The following EPHA5 variants were observed in gnomAD, a reference collection of about 807,000 sequenced individuals.
EPHA5 encodes the protein EPH receptor A5.
Under a neutral mutation model 105.0 loss-of-function variants are expected in EPHA5, and 60 were observed. The ratio of observed to expected loss-of-function variants is 0.57; its 90% confidence interval spans 0.46 to 0.71. The LOEUF is 0.71. Ranked by LOEUF, EPHA5 falls within the 30% of genes least tolerant of loss-of-function variation. The probability of loss-of-function intolerance (pLI) is 0.00; values close to 1 mark genes in which losing one functional copy is unlikely to be tolerated. For missense variants in EPHA5, 1,218 were observed against 1,274.7 expected (o/e 0.96, Z 0.68); for synonymous variants, 513 against 449.1 (o/e 1.14, Z -1.80).
chr4:65,449,123 T>C (rs557207986), intron 5 of EPHA5, among the ~76,000 whole-genome samples: 4 of 152,120 alleles, frequency 2.6e-5, no homozygotes, highest in Non-Finnish European at 5.9e-5. Context: ...TAAAAATTAC[T>C]ACCTAGTGAA....
chr4:65,361,000 A>C (rs1717252537), intron 11 of EPHA5, among the ~76,000 whole-genome samples: 1 of 151,670 alleles, frequency 6.6e-6, no homozygotes, highest in Admixed American at 6.6e-5. Flanking sequence ...TGGTATTTAG[A>C]CAATTACTTC....
chr4:65,530,275 T>C (rs1022435505), intron 3 of EPHA5, among the ~76,000 whole-genome samples: 8 of 152,128 alleles, frequency 5.3e-5, no homozygotes, highest in Admixed American at 3.9e-4. Flanking sequence ...TACCAGAGCA[T>C]AGATTTAACG....
chr4:65,588,946 T>C (rs1742376640), intron 3 of EPHA5, among the ~76,000 whole-genome samples: 1 of 152,178 alleles, frequency 6.6e-6, no homozygotes, highest in African/African-American at 2.4e-5. Flanking sequence ...TCTAGGATTA[T>C]CTCTCATTGA....
intron 5 of EPHA5, among the ~76,000 whole-genome samples, chr4:65,479,315 G>A (rs1254328678): frequency 6.6e-6 from 1 of 152,106 alleles, no homozygotes; most frequent in Non-Finnish European, 1.5e-5. Context: ...AAGCTAGTTA[G>A]TAGAAGAGAT....
At chr4:65,477,703 G>A (rs866392216) in intron 5 of EPHA5, among the ~76,000 whole-genome samples, 2 of 152,032 alleles carry the variant, frequency 1.3e-5, no homozygotes, top group Admixed American at 6.6e-5. Context: ...GTGAGCCACC[G>A]TGCCCAGCCC....
intron 3 of EPHA5, among the ~76,000 whole-genome samples, chr4:65,524,499 T>A (rs1735049072): frequency 6.6e-6 from 1 of 151,794 alleles, no homozygotes; most frequent in Non-Finnish European, 1.5e-5. Flanking sequence ...CTCTCCAAAC[T>A]ATAAGTTCCT....
chr4:65,605,811 A>C (rs368249816), intron 2 of EPHA5, among the ~76,000 whole-genome samples: 8 of 152,162 alleles, frequency 5.3e-5, no homozygotes, highest in Admixed American at 4.6e-4. Flanking sequence ...CTAGATATAT[A>C]AGCTGAGATC....
chr4:65,480,430 T>C (rs984311185), intron 5 of EPHA5, among the ~76,000 whole-genome samples: 15 of 152,088 alleles, frequency 9.9e-5, no homozygotes, highest in Admixed American at 2.6e-4. Context: ...GCTTCAGATA[T>C]ACCAAACCAA....
chr4:65,454,203 T>C (rs919912034), intron 5 of EPHA5, among the ~76,000 whole-genome samples: 2 of 151,906 alleles, frequency 1.3e-5, no homozygotes, highest in Admixed American at 1.3e-4. Flanking sequence ...TCGCTTGAAC[T>C]CAGGAGGCGG....
chr4:65,538,453 T>A (rs1336552271), intron 3 of EPHA5, among the ~76,000 whole-genome samples: 1 of 151,816 alleles, frequency 6.6e-6, no homozygotes, highest in African/African-American at 2.4e-5. Flanking sequence ...ACTAATACTT[T>A]TAATTTATTC....
intron 3 of EPHA5, among the ~76,000 whole-genome samples, chr4:65,542,068 T>C (rs1008339087): frequency 2.6e-5 from 4 of 151,334 alleles, no homozygotes; most frequent in African/African-American, 9.7e-5. Flanking sequence ...AATGTGTCTC[T>C]GGGACACAGC....
chr4:65,476,119 A>AGT (rs772117051), intron 5 of EPHA5, among the ~76,000 whole-genome samples: 129 of 126,856 alleles, frequency 1.0e-3, no homozygotes, highest in South Asian at 2.5e-3. Flanking sequence ...AGAGAGAGAG[A>AGT]GAGAGAGAGT....
chr4:65,360,016 C>A (rs1018128548), intron 11 of EPHA5, among the ~76,000 whole-genome samples: 5 of 151,660 alleles, frequency 3.3e-5, no homozygotes, highest in Admixed American at 6.6e-5. Context: ...GTTTCTCGAA[C>A]CTTCCAGGCA....
At chr4:65,502,323 C>T (rs1003828254) in intron 3 of EPHA5, among the ~76,000 whole-genome samples, 1 of 151,038 alleles carries the variant, frequency 6.6e-6, no homozygotes, top group Non-Finnish European at 1.5e-5. Flanking sequence ...AGACAACCTG[C>T]AGAATGAAAA....
At chr4:65,479,273 C>T (rs150376578) in intron 5 of EPHA5, among the ~76,000 whole-genome samples, 2 of 152,224 alleles carry the variant, frequency 1.3e-5, no homozygotes, top group African/African-American at 4.8e-5. Context: ...ACCTGAGGCC[C>T]TGTGATATTT....
At chr4:65,467,946 A>G (rs1305639928) in intron 5 of EPHA5, among the ~76,000 whole-genome samples, 1 of 152,194 alleles carries the variant, frequency 6.6e-6, no homozygotes, top group Non-Finnish European at 1.5e-5. Flanking sequence ...AGCCAAATGC[A>G]TCTTTCCTCT....
intron 8 of EPHA5, among the ~76,000 whole-genome samples, chr4:65,402,344 G>A (rs1429502929): frequency 2.6e-5 from 4 of 152,080 alleles, no homozygotes; most frequent in African/African-American, 7.2e-5. Context: ...AGGAATGTGC[G>A]CACGTATGCA....
intron 3 of EPHA5, among the ~76,000 whole-genome samples, chr4:65,534,147 C>A (rs558624155): frequency 1.4e-4 from 22 of 152,214 alleles, no homozygotes; most frequent in South Asian, 1.2e-3. Context: ...AAGTTTCCAA[C>A]TGTGGATCAT....
At chr4:65,634,577 G>T (rs1289473102) in intron 2 of EPHA5, among the ~76,000 whole-genome samples, 1 of 151,846 alleles carries the variant, frequency 6.6e-6, no homozygotes, top group Non-Finnish European at 1.5e-5. Context: ...TTTACAGATG[G>T]GGTATGCTTT....
Sources: allele counts gnomAD v4.1 joint callset (sites outside exome capture counted in the v4.1 genomes callset), GRCh38; gene constraint gnomAD v4.1.1; transcripts MANE v1.5; gene names NCBI Gene and HGNC (gene_info 2026-07-23, HGNC 2026-07-21).